The following STRBP variants were observed in gnomAD, a reference collection of about 807,000 sequenced individuals.
STRBP encodes spermatid perinuclear RNA binding protein.
In STRBP, 13 loss-of-function variants were observed where a neutral mutation model predicts 80.1. The observed-to-expected ratio is 0.16, with a 90% CI of 0.11 to 0.26. The LOEUF is 0.26. STRBP is among the 10% of genes least tolerant of loss of function. The pLI, the probability that STRBP is intolerant of heterozygous loss-of-function variation, is 1.00. For synonymous variants in STRBP, 284 were observed against 291.2 expected (o/e 0.98, Z 0.25); for missense variants, 485 against 815.2 (o/e 0.59, Z 4.93).
intron 3 of STRBP, among the ~76,000 whole-genome samples, chr9:123,181,249 C>T (rs1161798536): frequency 6.6e-6 from 1 of 152,168 alleles, no homozygotes; most frequent in East Asian, 1.9e-4. Context: ...CTTAGTGAGA[C>T]ATATTCATCT....
At chr9:123,231,444 C>T (rs917944775) in intron 2 of STRBP, among the ~76,000 whole-genome samples, 1 of 152,112 alleles carries the variant, frequency 6.6e-6, no homozygotes, top group Non-Finnish European at 1.5e-5. Flanking sequence ...AACATATAAG[C>T]GCAATTTAAT....
chr9:123,172,565 G>C (rs935284954), intron 5 of STRBP, among the ~76,000 whole-genome samples: 10 of 152,090 alleles, frequency 6.6e-5, no homozygotes, highest in African/African-American at 2.2e-4. Context: ...AAAATTGAAA[G>C]TGGAAAAGCC....
At chr9:123,160,614 T>A in intron 7 of STRBP, 152 bp from the exon 8 acceptor site, 1 of 509,010 alleles carries the variant, frequency 2.0e-6, no homozygotes, top group Non-Finnish European at 3.2e-6. Flanking sequence ...AATTAAGGCT[T>A]AAAAAGGTAC....
intron 5 of STRBP, among the ~76,000 whole-genome samples, chr9:123,170,835 CT>C (rs1032730001): frequency 1.3e-5 from 2 of 151,946 alleles, no homozygotes; most frequent in Non-Finnish European, 1.5e-5. Context: ...TTACACGGGG[CT>C]TTTTTTCTTA....
At chr9:123,168,353 A>C in intron 6 of STRBP, 3 of 220,724 alleles carry the variant, frequency 1.4e-5, no homozygotes, top group Non-Finnish European at 2.3e-5. Context: ...GCATAAGCTC[A>C]ATTATAGATT....
intron 2 of STRBP, among the ~76,000 whole-genome samples, chr9:123,192,908 C>G (rs1021575289): frequency 6.6e-6 from 1 of 152,176 alleles, no homozygotes; most frequent in African/African-American, 2.4e-5. Flanking sequence ...AAGGTCCTAT[C>G]GTCATTCTTG....
chr9:123,237,433 C>A (rs187018447), intron 1 of STRBP, among the ~76,000 whole-genome samples: 135 of 152,190 alleles, frequency 8.9e-4, no homozygotes, highest in African/African-American at 3.0e-3. Context: ...AGAGAAAGAA[C>A]ACTCCAATTC....
intron 1 of STRBP, among the ~76,000 whole-genome samples, chr9:123,248,322 C>CAA (rs1246342580): frequency 7.0e-6 from 1 of 142,692 alleles, no homozygotes; most frequent in African/African-American, 2.7e-5. Context: ...GGCTAGAGCG[C>CAA]AATGGCACGA....
rs1484166891 is a variant in STRBP, at chr9:123,110,634, T to A, written c.*85-881A>T. 1 of 169,522 alleles carries A rather than the reference T, an allele frequency of 5.9e-6. No individual in the cohort carries two copies. The highest frequency in any genetic ancestry group is 1.5e-5 in the Non-Finnish European group (1 of 68,282). The allele number at this position is 169,522 out of a possible 1,614,324, so 10.5% of individuals were successfully genotyped here. A position where few individuals can be genotyped will look rare whatever the true frequency, so the allele number is the denominator to read the frequency against. On this transcript the variant is annotated intron_variant and NMD_transcript_variant, in intron 3 of 3. Transcript: ENST00000471564. The surrounding 1 kb of genome is among the most constrained non-coding windows in gnomAD (Gnocchi z 4.1). ...GAGTTCCCACGTGGACCAGCTTTCA[T>A]TTTGCCTCCATAAGCCCTGGTATGC...
At chr9:123,206,326 GAC>G (rs1217412662) in intron 2 of STRBP, among the ~76,000 whole-genome samples, 1 of 152,170 alleles carries the variant, frequency 6.6e-6, no homozygotes, top group South Asian at 2.1e-4. Flanking sequence ...GGGAAATTCG[GAC>G]ACTGAATATT....
chr9:123,143,311 TG>T (rs1305185289), intron 13 of STRBP, among the ~76,000 whole-genome samples: 1 of 152,200 alleles, frequency 6.6e-6, no homozygotes, highest in Non-Finnish European at 1.5e-5. Context: ...GATAGAGAAG[TG>T]GAAGAGTGAA....
At chr9:123,256,587 A>G (rs996055318) in intron 1 of STRBP, among the ~76,000 whole-genome samples, 2 of 152,220 alleles carry the variant, frequency 1.3e-5, no homozygotes, top group African/African-American at 4.8e-5. Flanking sequence ...AGCTATATAT[A>G]TATGTAAGAA....
intron 1 of STRBP, among the ~76,000 whole-genome samples, chr9:123,254,523 C>T (rs1378500295): frequency 6.6e-6 from 1 of 151,212 alleles, no homozygotes; most frequent in Non-Finnish European, 1.5e-5. Flanking sequence ...AACTCTGCCA[C>T]TAGTTGGGTG....
intron 1 of STRBP, among the ~76,000 whole-genome samples, chr9:123,268,013 T>C (rs1480218949): frequency 1.3e-5 from 2 of 148,624 alleles, no homozygotes; most frequent in Non-Finnish European, 3.0e-5. Context: ...GCCCACACCT[T>C]CCGCCTGCCC....
At chr9:123,197,663 A>C (rs1030803784) in intron 2 of STRBP, among the ~76,000 whole-genome samples, 2 of 77,496 alleles carry the variant, frequency 2.6e-5, no homozygotes, top group African/African-American at 8.8e-5. Flanking sequence ...TGTGAAACAT[A>C]TTTCTTTTTT....
At chr9:123,247,693 G>T (rs2132621455) in intron 1 of STRBP, among the ~76,000 whole-genome samples, 1 of 152,328 alleles carries the variant, frequency 6.6e-6, no homozygotes, top group East Asian at 1.9e-4. Context: ...AGGATCTAAA[G>T]ATGCAATGTG....
chr9:123,254,569 C>T (rs957105408), intron 1 of STRBP, among the ~76,000 whole-genome samples: 12 of 151,484 alleles, frequency 7.9e-5, no homozygotes, highest in African/African-American at 2.4e-4. Flanking sequence ...CTCTCTGGAA[C>T]AAAGCAGGAC....
At chr9:123,232,497 A>G (rs1410904660) in intron 2 of STRBP, among the ~76,000 whole-genome samples, 1 of 152,102 alleles carries the variant, frequency 6.6e-6, no homozygotes, top group African/African-American at 2.4e-5. Context: ...TGTCTCTTCC[A>G]TCCCTCCTAC....
At chr9:123,214,355 A>C (rs967420304) in intron 2 of STRBP, among the ~76,000 whole-genome samples, 39 of 152,328 alleles carry the variant, frequency 2.6e-4, no homozygotes, top group African/African-American at 9.4e-4. Context: ...CATAAGAATG[A>C]TGGGTGGTGA....
Sources: gnomAD v4.1 joint callset for allele counts (sites outside exome capture counted in the v4.1 genomes callset) on GRCh38, gnomAD v4.1.1 for gene constraint, Gnocchi (gnomAD v3.1) non-coding constraint, MANE v1.5 for transcripts, NCBI Gene and HGNC (gene_info 2026-07-23, HGNC 2026-07-21) for gene names.